The following DNAJC1 variants were observed in gnomAD, a reference collection of about 807,000 sequenced individuals.
DNAJC1 encodes DnaJ heat shock protein family (Hsp40) member C1.
DNAJC1 carries 58 observed loss-of-function variants against 76.6 expected under a neutral mutation model. That is an observed-to-expected ratio of 0.76 (90% CI 0.61 to 0.94). The LOEUF (loss-of-function observed/expected upper bound fraction) is 0.94, where lower values mean the gene tolerates loss of function less well. Among genes scored for constraint, DNAJC1 ranks in the 40% least tolerant of loss-of-function variants. The pLI, the probability that DNAJC1 is intolerant of heterozygous loss-of-function variation, is 0.00. For synonymous variants in DNAJC1, 258 were observed against 267.9 expected, an observed-to-expected ratio of 0.96 and a Z score of 0.36; for missense variants, 689 against 677.3, an observed-to-expected ratio of 1.02 and a Z score of -0.19.
At chr10:21,963,614 A>G (rs1837838707) in intron 1 of DNAJC1, among the ~76,000 whole-genome samples, 1 of 152,226 alleles carries the variant, frequency 6.6e-6, no homozygotes, top group Non-Finnish European at 1.5e-5. Context: ...CTTACTTCTA[A>G]GTACTCACTG....
intron 9 of DNAJC1, among the ~76,000 whole-genome samples, chr10:21,805,206 A>T (rs1052106155): frequency 6.6e-6 from 1 of 152,124 alleles, no homozygotes; most frequent in Non-Finnish European, 1.5e-5. Context: ...TATTTAAAGT[A>T]AATTTAGTAA....
intron 9 of DNAJC1, among the ~76,000 whole-genome samples, chr10:21,780,290 T>C (rs1402752476): frequency 6.6e-6 from 1 of 152,072 alleles, no homozygotes; most frequent in African/African-American, 2.4e-5. Context: ...AGACACATAA[T>C]TGTCAGATTC....
chr10:21,869,215 C>CAAAAA (rs552376355), intron 8 of DNAJC1, among the ~76,000 whole-genome samples: 3 of 94,454 alleles, frequency 3.2e-5, no homozygotes, highest in Non-Finnish European at 6.5e-5. Flanking sequence ...GACCATATCT[C>CAAAAA]AAAAAAAAAA....
intron 6 of DNAJC1, among the ~76,000 whole-genome samples, chr10:21,907,598 T>C (rs1274673709): frequency 1.3e-5 from 2 of 152,150 alleles, no homozygotes; most frequent in Non-Finnish European, 2.9e-5. Flanking sequence ...ATAACTACCA[T>C]ACAATATCTC....
chr10:21,877,267 T>C (rs986639240), intron 8 of DNAJC1, among the ~76,000 whole-genome samples: 4 of 145,756 alleles, frequency 2.7e-5, no homozygotes, highest in Non-Finnish European at 4.5e-5. Context: ...GAGTGAGACC[T>C]TGTCTCCAAA....
chr10:21,886,587 A>C (rs867749705), intron 7 of DNAJC1, among the ~76,000 whole-genome samples: 15 of 152,310 alleles, frequency 9.8e-5, no homozygotes, highest in South Asian at 6.2e-4. Context: ...AAATATTTGC[A>C]AACTGAATCC....
chr10:21,842,905 G>C (rs1336151380), intron 8 of DNAJC1, among the ~76,000 whole-genome samples: 3 of 152,038 alleles, frequency 2.0e-5, no homozygotes, highest in Non-Finnish European at 4.4e-5. Context: ...TGAGAGCAGG[G>C]GTCATTATGT....
At chr10:21,779,012 T>A (rs954533372) in intron 9 of DNAJC1, among the ~76,000 whole-genome samples, 7 of 152,330 alleles carry the variant, frequency 4.6e-5, no homozygotes, top group African/African-American at 1.7e-4. Flanking sequence ...CACAGCGGTC[T>A]GAGATCGAAC....
intron 9 of DNAJC1, among the ~76,000 whole-genome samples, chr10:21,805,264 A>G (rs1834870154): frequency 6.6e-6 from 1 of 152,020 alleles, no homozygotes; most frequent in African/African-American, 2.4e-5. Context: ...TAAAAATAAT[A>G]TTTTTTCTCA....
At chr10:21,804,515 T>A (rs1365461048) in intron 9 of DNAJC1, among the ~76,000 whole-genome samples, 1 of 152,040 alleles carries the variant, frequency 6.6e-6, no homozygotes, top group African/African-American at 2.4e-5. Context: ...TTTACTGATA[T>A]GTCATTATTA....
intron 9 of DNAJC1, among the ~76,000 whole-genome samples, chr10:21,782,678 C>A (rs1371280721): frequency 2.0e-5 from 3 of 152,188 alleles, no homozygotes; most frequent in Non-Finnish European, 4.4e-5. Context: ...CCGAATCCAG[C>A]AGCACATCAA....
chr10:21,839,850 C>T (rs1294931708), intron 8 of DNAJC1, among the ~76,000 whole-genome samples: 1 of 152,202 alleles, frequency 6.6e-6, no homozygotes, highest in Non-Finnish European at 1.5e-5. Flanking sequence ...CAAAAATCCT[C>T]AGTAACATAC....
chr10:21,953,259 T>C (rs575866592), intron 1 of DNAJC1, among the ~76,000 whole-genome samples: 13 of 152,174 alleles, frequency 8.5e-5, no homozygotes, highest in Non-Finnish European at 1.5e-4. Flanking sequence ...ATAATATAGA[T>C]GGTCAGATTT....
intron 7 of DNAJC1, among the ~76,000 whole-genome samples, chr10:21,887,430 G>C (rs887749402): frequency 3.3e-5 from 5 of 151,948 alleles, no homozygotes; most frequent in African/African-American, 9.7e-5. Flanking sequence ...GAATAGCCAA[G>C]ACAATCCTAA....
intron 8 of DNAJC1, among the ~76,000 whole-genome samples, chr10:21,840,275 T>G (rs1184112533): frequency 1.3e-5 from 2 of 151,994 alleles, no homozygotes; most frequent in Non-Finnish European, 2.9e-5. Context: ...GAGAAGGAAA[T>G]AAAGGGTATT....
intron 1 of DNAJC1, among the ~76,000 whole-genome samples, chr10:21,984,971 TTTAAG>T (rs1431305487): frequency 2.6e-5 from 4 of 152,218 alleles, no homozygotes; most frequent in Non-Finnish European, 5.9e-5. Flanking sequence ...TAATTCACAA[TTTAAG>T]TTCTTTTACA....
chr10:21,788,149 C>G (rs1377162061), intron 9 of DNAJC1, among the ~76,000 whole-genome samples: 1 of 152,226 alleles, frequency 6.6e-6, no homozygotes, highest in Non-Finnish European at 1.5e-5. Context: ...TTTCTCCCTC[C>G]AGAGGAAAGG....
At chr10:21,809,343 C>G (rs536486564) in intron 8 of DNAJC1, among the ~76,000 whole-genome samples, 18 of 151,806 alleles carry the variant, frequency 1.2e-4, no homozygotes, top group Non-Finnish European at 1.8e-4. Flanking sequence ...CTGAAACTCT[C>G]TAATGAGCAA....
intron 8 of DNAJC1, among the ~76,000 whole-genome samples, chr10:21,837,347 G>A (rs1286195434): frequency 6.6e-6 from 1 of 152,162 alleles, no homozygotes; most frequent in Non-Finnish European, 1.5e-5. Flanking sequence ...TCTGAGAAGT[G>A]AGAAGCGTCT....
Sources: gnomAD v4.1 joint callset for allele counts (sites outside exome capture counted in the v4.1 genomes callset) on GRCh38, gnomAD v4.1.1 for gene constraint, MANE v1.5 for transcripts, NCBI Gene and HGNC (gene_info 2026-07-23, HGNC 2026-07-21) for gene names.